Variants in ANTXR1 observed in about 807,000 individuals in gnomAD.
ANTXR1 encodes ANTXR cell adhesion molecule 1, also known as anthrax toxin receptor 1.
Under a neutral mutation model 78.1 loss-of-function variants are expected in ANTXR1, and 19 were observed. The observed-to-expected ratio is 0.24, with a 90% CI of 0.17 to 0.36. The LOEUF (loss-of-function observed/expected upper bound fraction) is 0.36, where lower values mean the gene tolerates loss of function less well. Ranked by LOEUF, ANTXR1 falls within the 10% of genes least tolerant of loss-of-function variation. The pLI is 1.00. For missense variants in ANTXR1, 518 were observed against 718.6 expected (o/e 0.72, Z 3.19); for synonymous variants, 273 against 260.5 (o/e 1.05, Z -0.46).
intron 2 of ANTXR1, among the ~76,000 whole-genome samples, chr2:69,040,465 G>A (rs1032443158): frequency 2.0e-5 from 3 of 152,150 alleles, no homozygotes; most frequent in African/African-American, 7.2e-5. Context: ...CGTGTAGGGT[G>A]TACAGTGTGT....
intron 16 of ANTXR1, among the ~76,000 whole-genome samples, chr2:69,188,307 C>T (rs535728363): frequency 6.6e-6 from 1 of 152,142 alleles, no homozygotes; most frequent in South Asian, 2.1e-4. Context: ...GGGGATCTCA[C>T]TGTGTTGTCC....
intron 13 of ANTXR1, among the ~76,000 whole-genome samples, chr2:69,168,400 A>C (rs929092991): frequency 6.6e-6 from 1 of 152,210 alleles, no homozygotes; most frequent in Non-Finnish European, 1.5e-5. Flanking sequence ...GGACTCATCA[A>C]ATCCTGACAG....
intron 3 of ANTXR1, among the ~76,000 whole-genome samples, chr2:69,063,254 G>GA (rs1447919738): frequency 1.3e-5 from 2 of 150,684 alleles, no homozygotes; most frequent in African/African-American, 4.9e-5. Context: ...TCAAATTTCT[G>GA]AAAAATCTAA....
At chr2:69,159,720 G>T (rs1673627163) in intron 13 of ANTXR1, among the ~76,000 whole-genome samples, 1 of 152,034 alleles carries the variant, frequency 6.6e-6, no homozygotes, top group Non-Finnish European at 1.5e-5. Context: ...AAACAAAATT[G>T]TTCTCCCTGT....
At chr2:69,063,394 GA>G (rs1018114933) in intron 3 of ANTXR1, among the ~76,000 whole-genome samples, 46 of 151,606 alleles carry the variant, frequency 3.0e-4, no homozygotes, top group African/African-American at 1.1e-3. Context: ...AGAGATAAAA[GA>G]AAAAAATCAA....
intron 17 of ANTXR1, among the ~76,000 whole-genome samples, chr2:69,214,669 A>G (rs1464057082): frequency 6.6e-6 from 1 of 152,088 alleles, no homozygotes; most frequent in Non-Finnish European, 1.5e-5. Context: ...CTGTTAGCCA[A>G]TTTCTTACCC....
intron 13 of ANTXR1, among the ~76,000 whole-genome samples, chr2:69,153,694 T>C (rs902172493): frequency 6.6e-6 from 1 of 152,122 alleles, no homozygotes; most frequent in Non-Finnish European, 1.5e-5. Context: ...CATTTTCAAG[T>C]CTAGAAAAAG....
At chr2:69,144,442 T>C (rs1360544746) in intron 12 of ANTXR1, among the ~76,000 whole-genome samples, 1 of 152,236 alleles carries the variant, frequency 6.6e-6, no homozygotes, top group Non-Finnish European at 1.5e-5. Flanking sequence ...CTCTTTCCCT[T>C]GAAGGCACTC....
chr2:69,140,143 G>A (rs1308527550), intron 12 of ANTXR1, among the ~76,000 whole-genome samples: 1 of 152,182 alleles, frequency 6.6e-6, no homozygotes, highest in South Asian at 2.1e-4. Context: ...CTGGGTCAGG[G>A]TGACAAGAGT....
At chr2:69,162,430 C>T (rs1181013483) in intron 13 of ANTXR1, among the ~76,000 whole-genome samples, 1 of 152,136 alleles carries the variant, frequency 6.6e-6, no homozygotes, top group Admixed American at 6.6e-5. Flanking sequence ...TTCAAACTTA[C>T]ACTACTTGAG....
intron 14 of ANTXR1, among the ~76,000 whole-genome samples, chr2:69,181,484 T>C (rs1314979127): frequency 6.6e-6 from 1 of 152,170 alleles, no homozygotes; most frequent in African/African-American, 2.4e-5. Flanking sequence ...TCACAAGTCA[T>C]TAGCATGTAG....
chr2:69,102,954 G>C lies in ANTXR1; in HGVS notation c.802+14G>C, dbSNP rs1467520115. 4 of 1,612,960 alleles carry C rather than the reference G, an allele frequency of 2.5e-6. No individual in the cohort carries two copies. The highest frequency in any genetic ancestry group is 3.4e-6 in the Non-Finnish European group (4 of 1,179,032). On this transcript the variant is annotated intron_variant, in intron 10 of 17. Transcript: ENST00000303714. ...CGGTCACACTCAGTAAGTCCTTGCA[G>C]AGTCCATGGGTTTCTTCGACAAGTG...
rs374329663 is a variant in ANTXR1 at position 69,162,372 on chromosome 2, G to A, written c.1048-7876G>A. On this transcript the variant is annotated intron_variant, in intron 13 of 17. Transcript: ENST00000303714. ...GATGGGCTATGGGTTTGATGTGGGT[G>A]TGTATGTTTGTGTCCCTAAGAATTC... Among the ~76,000 whole-genome samples, 4 of 152,282 alleles carry A rather than the reference G, an allele frequency of 2.6e-5. No individual in the cohort carries two copies. The East Asian group carries it at 5.8e-4, about 22-fold the overall frequency.
chr2:69,085,278 A>G (rs1199607568), intron 8 of ANTXR1, among the ~76,000 whole-genome samples: 2 of 152,114 alleles, frequency 1.3e-5, no homozygotes, highest in East Asian at 1.9e-4. Context: ...TCCCAAGAAA[A>G]GGGGTTGAGG....
At chr2:69,161,036 T>C (rs919259927) in intron 13 of ANTXR1, among the ~76,000 whole-genome samples, 1 of 152,216 alleles carries the variant, frequency 6.6e-6, no homozygotes, top group African/African-American at 2.4e-5. Flanking sequence ...CCCTTGTTCC[T>C]TCTGTGCCCT....
chr2:69,217,348 G>A (rs1265787220), intron 17 of ANTXR1, among the ~76,000 whole-genome samples: 1 of 152,174 alleles, frequency 6.6e-6, no homozygotes, highest in East Asian at 1.9e-4. Context: ...TGGGCCACTC[G>A]CCTATTGCAA....
chr2:69,243,257 T>C (rs963705142), intron 17 of ANTXR1, among the ~76,000 whole-genome samples: 2 of 152,176 alleles, frequency 1.3e-5, no homozygotes, highest in African/African-American at 4.8e-5. Context: ...TTACCAAAAG[T>C]CCCTGTACCA....
intron 17 of ANTXR1, among the ~76,000 whole-genome samples, chr2:69,242,973 G>A (rs573278577): frequency 4.6e-5 from 7 of 152,214 alleles, no homozygotes; most frequent in Admixed American, 2.0e-4. Flanking sequence ...CAGCGAGGAG[G>A]GGGTAAATTC....
At chr2:69,176,062 TACACATACACAGACACCCCCCCACAC>T (rs1403660436) in intron 14 of ANTXR1, among the ~76,000 whole-genome samples, 4 of 150,038 alleles carry the variant, frequency 2.7e-5, no homozygotes, top group African/African-American at 9.8e-5. Context: ...GACCATTAAA[TACACATACACAGACACCCCCCCACAC>T]ACACATACAC....
Sources: gnomAD v4.1 joint callset for allele counts (sites outside exome capture counted in the v4.1 genomes callset) on GRCh38, gnomAD v4.1.1 for gene constraint, MANE v1.5 for transcripts, NCBI Gene and HGNC (gene_info 2026-07-23, HGNC 2026-07-21) for gene names.